The following CNTN4 variants were observed in gnomAD, a reference collection of about 807,000 sequenced individuals.
CNTN4 encodes contactin 4.
A neutral mutation model predicts 122.5 loss-of-function variants in CNTN4; 77 were observed. The ratio of observed to expected loss-of-function variants is 0.63; its 90% CI spans 0.52 to 0.76. The LOEUF (loss-of-function observed/expected upper bound fraction) is 0.76, where lower values mean the gene tolerates loss of function less well. Among genes scored for constraint, CNTN4 ranks in the 30% least tolerant of loss-of-function variants. The pLI, the probability that CNTN4 is intolerant of heterozygous loss-of-function variation, is 0.00. For missense variants in CNTN4, 1,256 were observed against 1,259.1 expected, an observed-to-expected ratio of 1.00 and a Z score of 0.04; for synonymous variants, 512 against 447.0, an observed-to-expected ratio of 1.15 and a Z score of -1.83.
intron 2 of CNTN4, among the ~76,000 whole-genome samples, chr3:2,337,854 G>A (rs2044018949): frequency 6.6e-6 from 1 of 151,968 alleles, no homozygotes; most frequent in African/African-American, 2.4e-5. Flanking sequence ...AATTGTTATT[G>A]ATAGGTAGGC....
intron 2 of CNTN4, among the ~76,000 whole-genome samples, chr3:2,270,267 A>G (rs1409511721): frequency 6.6e-6 from 1 of 151,652 alleles, no homozygotes; most frequent in Non-Finnish European, 1.5e-5. Flanking sequence ...TATTTACTTT[A>G]ACTTTTATTT....
In CNTN4 at chr3:2,781,764, G is replaced by C. The variant is rs564510889; in HGVS notation, c.358+36067G>C. Among the ~76,000 whole-genome samples, 42 of 114,908 alleles carry C rather than the reference G, an allele frequency of 3.7e-4. 2 individuals carry two copies. Among genetic ancestry groups the C allele is most frequent in the African/African-American group, 1.5e-3 (38 of 24,938 alleles). The allele number at this position is 114,908 out of a possible 152,430, so 75.4% of individuals were successfully genotyped here. On this transcript the variant is annotated intron_variant, in intron 6 of 24. Transcript: ENST00000418658. The stretch of plus-strand genomic sequence containing the variant: ...TTTTGAGACGGAGTGTCGCTCTGTC[G>C]CCCAGGCTGGAGGGCAGTAGCGCGA...
intron 13 of CNTN4, among the ~76,000 whole-genome samples, chr3:2,938,644 C>T (rs912285149): frequency 3.9e-5 from 6 of 152,158 alleles, no homozygotes; most frequent in Admixed American, 3.9e-4. Flanking sequence ...ATAGGACTGG[C>T]ATAGCAGCTT....
chr3:2,192,735 C>T (rs1274385783), intron 2 of CNTN4, among the ~76,000 whole-genome samples: 1 of 152,188 alleles, frequency 6.6e-6, no homozygotes, highest in African/African-American at 2.4e-5. Context: ...GAGCTACACT[C>T]ATGTTTACTT....
intron 3 of CNTN4, among the ~76,000 whole-genome samples, chr3:2,502,110 C>G (rs979572356): frequency 2.0e-5 from 3 of 151,948 alleles, no homozygotes; most frequent in Non-Finnish European, 2.9e-5. Flanking sequence ...TTTGAAACAC[C>G]TCTGGCCCCA....
intron 3 of CNTN4, among the ~76,000 whole-genome samples, chr3:2,516,472 G>T (rs1271509049): frequency 2.0e-5 from 3 of 151,964 alleles, no homozygotes; most frequent in Admixed American, 6.6e-5. Context: ...TTTTAATCTA[G>T]TACCTCTGTT....
chr3:2,287,573 A>T (rs1483560188), intron 2 of CNTN4, among the ~76,000 whole-genome samples: 3 of 151,126 alleles, frequency 2.0e-5, no homozygotes, highest in Non-Finnish European at 4.4e-5. Flanking sequence ...ACTGCACTTT[A>T]GCCTGGATGA....
chr3:2,995,561 A>C (rs1695459308), intron 14 of CNTN4, among the ~76,000 whole-genome samples: 1 of 152,194 alleles, frequency 6.6e-6, no homozygotes, highest in South Asian at 2.1e-4. Context: ...CTTTCGTAGC[A>C]AAGCCTCTAT....
At chr3:2,537,730 C>T (rs2077866549) in intron 3 of CNTN4, among the ~76,000 whole-genome samples, 1 of 152,016 alleles carries the variant, frequency 6.6e-6, no homozygotes. Context: ...GAAAGATGAA[C>T]TAAAAAATCG....
Position 2,991,628 on chromosome 3 carries a change from T to C in CNTN4, c.1486+3156T>C, listed in dbSNP as rs571227423. ...GTGTCTGCAGAGGGGCCATCCACAG[T>C]GCGAGGTCTCCAAGAAGGACATTAA... is the stretch of plus-strand genomic sequence containing the variant. On this transcript the variant is annotated intron_variant, in intron 14 of 24. Transcript: ENST00000418658. 3.3e-5 allele frequency among the ~76,000 whole-genome samples: 5 copies of C among 152,238 alleles called. No individual in the cohort carries two copies. The South Asian group carries it at 6.2e-4, about 19-fold the overall frequency.
chr3:2,720,467 A>G (rs994650369), intron 4 of CNTN4, among the ~76,000 whole-genome samples: 5 of 152,274 alleles, frequency 3.3e-5, no homozygotes, highest in Admixed American at 2.0e-4. Context: ...CTGAATTTTT[A>G]TGTACCCAAC....
At chr3:2,425,415 G>T (rs2047785767) in intron 3 of CNTN4, among the ~76,000 whole-genome samples, 1 of 152,094 alleles carries the variant, frequency 6.6e-6, no homozygotes, top group Non-Finnish European at 1.5e-5. Flanking sequence ...GCTCTGTTCT[G>T]TTCCATTGGT....
intron 2 of CNTN4, among the ~76,000 whole-genome samples, chr3:2,153,147 G>C (rs1243118129): frequency 2.6e-5 from 4 of 152,182 alleles, no homozygotes; most frequent in Non-Finnish European, 5.9e-5. Context: ...GGATATAGGA[G>C]TCTGGAGTTG....
At chr3:2,278,820 C>G (rs2041614524) in intron 2 of CNTN4, among the ~76,000 whole-genome samples, 1 of 149,726 alleles carries the variant, frequency 6.7e-6, no homozygotes, top group Non-Finnish European at 1.5e-5. Flanking sequence ...AGAACTAAGT[C>G]CAGTGTTTGG....
chr3:2,547,778 G>A (rs2078310163), intron 3 of CNTN4, among the ~76,000 whole-genome samples: 1 of 152,050 alleles, frequency 6.6e-6, no homozygotes, highest in African/African-American at 2.4e-5. Flanking sequence ...GAAACAAAGT[G>A]AATTTTCATT....
chr3:2,629,553 TG>T, intron 4 of CNTN4: 1 of 453,754 alleles, frequency 2.2e-6, no homozygotes, highest in Non-Finnish European at 4.4e-6. Flanking sequence ...TGGTCCTTGC[TG>T]GGGGTGCTGC....
At chr3:2,663,452 T>A (rs1181283543) in intron 4 of CNTN4, among the ~76,000 whole-genome samples, 1 of 151,984 alleles carries the variant, frequency 6.6e-6, no homozygotes, top group African/African-American at 2.4e-5. Context: ...TTCTGATTTA[T>A]TAAAAACAAG....
intron 2 of CNTN4, among the ~76,000 whole-genome samples, chr3:2,177,656 T>TTTGTG (rs1553593166): frequency 6.8e-6 from 1 of 147,448 alleles, no homozygotes; most frequent in African/African-American, 2.5e-5. Context: ...GTGTGTGTGT[T>TTTGTG]TGTGTGTGTG....
chr3:3,034,704 C>T lies in CNTN4; in HGVS notation c.1856C>T (p.Pro619Leu), dbSNP rs148353726. 5.0e-5 allele frequency: 80 copies of T among 1,613,934 alleles called. No individual in the cohort carries two copies. Among genetic ancestry groups the T allele is most frequent in the Middle Eastern group, 1.6e-4 (1 of 6,084 alleles). The change falls in exon 17 of 25, where the codon CCC (proline) becomes CTC (leucine). Residue 619 changes from proline to leucine, a missense_variant. Physicochemically the swap from Pro to Leu is moderately conservative, Grantham distance 98 (BLOSUM62 -3). Coordinates refer to ENST00000418658, the MANE Select transcript of CNTN4 (RefSeq NM_175607.3). The part of the protein sequence containing the change: ...TDTTAQLSWR[P>L]GPDNHSPITM... ...ACCACTGCTCAGCTCTCCTGGAGAC[C>T]CGGGCCTGACAACCACAGCCCCATC...
Sources: gnomAD v4.1 joint callset for allele counts (sites outside exome capture counted in the v4.1 genomes callset) on GRCh38, gnomAD v4.1.1 for gene constraint, MANE v1.5 for transcripts, NCBI Gene and HGNC (gene_info 2026-07-23, HGNC 2026-07-21) for gene names.